The following MNAT1 variants were observed in gnomAD, a reference collection of about 807,000 sequenced individuals.
The protein encoded by MNAT1 is CDK-activating kinase assembly factor MAT1.
A neutral mutation model predicts 42.0 loss-of-function variants in MNAT1; 43 were observed. That is an observed-to-expected ratio of 1.02 (90% CI 0.80 to 1.32). The LOEUF (loss-of-function observed/expected upper bound fraction) is 1.32. Among genes scored for constraint, MNAT1 ranks in the 40% most tolerant of loss-of-function variants. The pLI is 0.00. For missense variants in MNAT1, 306 were observed against 350.4 expected (o/e 0.87, Z 1.01); for synonymous variants, 118 against 120.0 (o/e 0.98, Z 0.11).
intron 7 of MNAT1, among the ~76,000 whole-genome samples, chr14:60,902,791 A>G (rs1343387197): frequency 6.6e-6 from 1 of 152,076 alleles, no homozygotes; most frequent in East Asian, 1.9e-4. Context: ...TGCTGTTGTG[A>G]TAAAGTTTTC....
At chr14:60,929,893 A>G (rs1199977891) in intron 7 of MNAT1, among the ~76,000 whole-genome samples, 1 of 152,132 alleles carries the variant, frequency 6.6e-6, no homozygotes, top group Non-Finnish European at 1.5e-5. Context: ...CAAGCCATGA[A>G]ACATTCTGAC....
intron 1 of MNAT1, among the ~76,000 whole-genome samples, chr14:60,795,956 C>T (rs547213859): frequency 1.3e-5 from 2 of 152,264 alleles, no homozygotes; most frequent in South Asian, 4.1e-4. Flanking sequence ...TGCTCTTCTT[C>T]CTAGTCTCTC....
rs2036737400 is a variant in MNAT1, at chr14:60,969,225, G to A, written c.*876G>A. ...TTATTACCAGGGTTTTGCTTAAAGA[G>A]TTTAGATATGAATAGGATGATATTG... On this transcript the variant is annotated 3_prime_UTR_variant, in exon 8 of 8. Coordinates refer to ENST00000261245, the MANE Select transcript of MNAT1 (RefSeq NM_002431.4). 1 of 152,150 alleles carries A rather than the reference G, an allele frequency of 6.6e-6. No individual in the cohort carries two copies. Among genetic ancestry groups the A allele is most frequent in the South Asian group, 2.1e-4 (1 of 4,828 alleles). The allele number at this position is 152,150 out of a possible 1,614,324, so 9.4% of individuals were successfully genotyped here. A position where few individuals can be genotyped will look rare whatever the true frequency, so the allele number is the denominator to read the frequency against.
At chr14:60,918,867 T>A (rs1156755222) in intron 7 of MNAT1, among the ~76,000 whole-genome samples, 1 of 151,816 alleles carries the variant, frequency 6.6e-6, no homozygotes, top group South Asian at 2.1e-4. Flanking sequence ...TGCTTAATGA[T>A]GTAAATTTAC....
intron 7 of MNAT1, among the ~76,000 whole-genome samples, chr14:60,911,880 A>G: frequency 6.6e-6 from 1 of 151,604 alleles, no homozygotes; most frequent in East Asian, 1.9e-4. Flanking sequence ...TATCCTTGTT[A>G]ACTTTCTGTC....
intron 6 of MNAT1, among the ~76,000 whole-genome samples, chr14:60,835,995 C>T (rs1365626021): frequency 6.6e-6 from 1 of 152,102 alleles, no homozygotes; most frequent in Non-Finnish European, 1.5e-5. Flanking sequence ...GATCTTCTAT[C>T]TCTGATATCC....
At chr14:60,781,205 T>A (rs960852063) in intron 1 of MNAT1, among the ~76,000 whole-genome samples, 1 of 152,186 alleles carries the variant, frequency 6.6e-6, no homozygotes, top group African/African-American at 2.4e-5. Flanking sequence ...ACAGAACTCT[T>A]AAAAATTTTT....
chr14:60,764,171 G>A (rs1313265851), intron 1 of MNAT1, among the ~76,000 whole-genome samples: 5 of 151,916 alleles, frequency 3.3e-5, no homozygotes, highest in Non-Finnish European at 7.4e-5. Flanking sequence ...ATTTGTTAGT[G>A]GTATGATATA....
chr14:60,883,151 G>C (rs1488939614), intron 7 of MNAT1, among the ~76,000 whole-genome samples: 1 of 151,920 alleles, frequency 6.6e-6, no homozygotes, highest in Non-Finnish European at 1.5e-5. Flanking sequence ...AAAAATCTTT[G>C]CCCACTCCAA....
intron 1 of MNAT1, among the ~76,000 whole-genome samples, chr14:60,758,875 TAAAAC>T (rs2030478529): frequency 6.6e-6 from 1 of 152,126 alleles, no homozygotes; most frequent in African/African-American, 2.4e-5. Context: ...CTGTTAGTAT[TAAAAC>T]AAAAAGTATA....
At chr14:60,833,710 G>A (rs1263424290) in intron 6 of MNAT1, among the ~76,000 whole-genome samples, 1 of 152,072 alleles carries the variant, frequency 6.6e-6, no homozygotes, top group Admixed American at 6.6e-5. Context: ...AGGGAGGAGT[G>A]CCTTATTTTC....
At chr14:60,784,361 A>G (rs1234641606) in intron 1 of MNAT1, among the ~76,000 whole-genome samples, 2 of 149,808 alleles carry the variant, frequency 1.3e-5, no homozygotes, top group Non-Finnish European at 3.0e-5. Flanking sequence ...TTTTTTAAAT[A>G]GAGATGAGGG....
At chr14:60,963,244 T>G (rs2036628584) in intron 7 of MNAT1, among the ~76,000 whole-genome samples, 1 of 152,174 alleles carries the variant, frequency 6.6e-6, no homozygotes, top group Non-Finnish European at 1.5e-5. Context: ...CCTCCCAAAG[T>G]GCTGGGATTA....
intron 7 of MNAT1, among the ~76,000 whole-genome samples, chr14:60,913,388 A>C (rs2035431826): frequency 6.6e-6 from 1 of 152,056 alleles, no homozygotes; most frequent in South Asian, 2.1e-4. Context: ...ATTCCTTTGG[A>C]GGAGGAGAGG....
chr14:60,921,332 C>G (rs1242031636), intron 7 of MNAT1, among the ~76,000 whole-genome samples: 1 of 151,922 alleles, frequency 6.6e-6, no homozygotes, highest in Non-Finnish European at 1.5e-5. Context: ...TTGGGTATTC[C>G]CCATTGTAAA....
At chr14:60,908,337 A>G (rs1303038167) in intron 7 of MNAT1, among the ~76,000 whole-genome samples, 1 of 152,058 alleles carries the variant, frequency 6.6e-6, no homozygotes, top group East Asian at 1.9e-4. Context: ...TATTTTTATT[A>G]TACTTTAAGT....
At chr14:60,807,744 T>G (rs1300214017) in intron 3 of MNAT1, among the ~76,000 whole-genome samples, 1 of 152,134 alleles carries the variant, frequency 6.6e-6, no homozygotes, top group Non-Finnish European at 1.5e-5. Flanking sequence ...TAAGAAATTC[T>G]TTTACTTTAA....
At chr14:60,747,140 A>G (rs1282492517) in intron 1 of MNAT1, among the ~76,000 whole-genome samples, 2 of 150,530 alleles carry the variant, frequency 1.3e-5, no homozygotes, top group East Asian at 2.0e-4. Flanking sequence ...GCCCGCCACC[A>G]CGCCCGGCTA....
At chr14:60,895,055 A>G (rs548691955) in intron 7 of MNAT1, among the ~76,000 whole-genome samples, 9 of 152,290 alleles carry the variant, frequency 5.9e-5, no homozygotes, top group East Asian at 5.8e-4. Context: ...TCAGTCTTCT[A>G]CCTTGACAAA....
Sources: allele counts gnomAD v4.1 joint callset (sites outside exome capture counted in the v4.1 genomes callset), GRCh38; gene constraint gnomAD v4.1.1; transcripts MANE v1.5; gene names NCBI Gene and HGNC (gene_info 2026-07-23, HGNC 2026-07-21).